The following CDH18 variants were observed in gnomAD, a reference collection of about 807,000 sequenced individuals.
CDH18 encodes the protein cadherin-18.
CDH18 carries 31 observed loss-of-function variants against 67.9 expected under a neutral mutation model. The observed-to-expected ratio is 0.46, with a 90% CI of 0.34 to 0.62. The LOEUF (loss-of-function observed/expected upper bound fraction) is 0.62, where lower values mean the gene tolerates loss of function less well. Ranked by LOEUF, CDH18 falls within the 20% of genes least tolerant of loss-of-function variation. The probability of loss-of-function intolerance (pLI) is 0.01; values close to 1 mark genes in which losing one functional copy is unlikely to be tolerated. For missense variants in CDH18, 890 were observed against 975.5 expected (o/e 0.91, Z 1.17); for synonymous variants, 362 against 347.2 (o/e 1.04, Z -0.48).
chr5:19,525,922 T>C (rs1173913987), intron 9 of CDH18, among the ~76,000 whole-genome samples: 3 of 152,182 alleles, frequency 2.0e-5, no homozygotes, highest in African/African-American at 7.2e-5. Flanking sequence ...TTATTGTTAT[T>C]ATAATTTTTA....
chr5:19,551,054 C>G (rs909250154), intron 8 of CDH18, among the ~76,000 whole-genome samples: 2 of 152,122 alleles, frequency 1.3e-5, no homozygotes, highest in African/African-American at 4.8e-5. Context: ...AGTACAGATA[C>G]TTTGTAGAGA....
intron 3 of CDH18, among the ~76,000 whole-genome samples, chr5:19,827,817 G>A (rs1018671647): frequency 2.0e-5 from 3 of 151,850 alleles, no homozygotes; most frequent in East Asian, 3.9e-4. Context: ...CTCTGACACC[G>A]AAATAAGAGC....
chr5:20,309,531 T>A (rs1263653366), intron 1 of CDH18, among the ~76,000 whole-genome samples: 1 of 152,216 alleles, frequency 6.6e-6, no homozygotes, highest in Non-Finnish European at 1.5e-5. Context: ...ATTGTAAGAA[T>A]GATCCTTGGA....
chr5:20,345,456 T>C (rs1301857990), intron 1 of CDH18, among the ~76,000 whole-genome samples: 8 of 152,180 alleles, frequency 5.3e-5, no homozygotes, highest in South Asian at 2.1e-4. Flanking sequence ...GCTTTCAAAG[T>C]GATTAGCCTA....
intron 1 of CDH18, among the ~76,000 whole-genome samples, chr5:20,539,996 C>T (rs1016327879): frequency 6.6e-6 from 1 of 152,064 alleles, no homozygotes; most frequent in Admixed American, 6.6e-5. Flanking sequence ...TTTATTAAAC[C>T]TAATAAACTG....
At chr5:20,265,725 A>C (rs1365926577) in intron 1 of CDH18, among the ~76,000 whole-genome samples, 2 of 152,198 alleles carry the variant, frequency 1.3e-5, no homozygotes, top group Non-Finnish European at 2.9e-5. Flanking sequence ...TAGAGCAATG[A>C]GCACTCTTTC....
intron 2 of CDH18, among the ~76,000 whole-genome samples, chr5:19,859,862 C>T (rs1784690511): frequency 6.6e-6 from 1 of 152,160 alleles, no homozygotes; most frequent in Admixed American, 6.6e-5. Flanking sequence ...GGCCATTGGT[C>T]ATTCACATTT....
At chr5:19,994,855 T>TATAGAGAGAGAGAGAAAGAGAGAGAGAG (rs760777430) in intron 2 of CDH18, among the ~76,000 whole-genome samples, 3 of 67,586 alleles carry the variant, frequency 4.4e-5, no homozygotes, top group African/African-American at 2.2e-4. Context: ...TATATATATA[T>TATAGAGAGAGAGAGAAAGAGAGAGAGAG]AGAGAGAGAG....
chr5:20,130,414 T>C (rs1749177909), intron 2 of CDH18, among the ~76,000 whole-genome samples: 1 of 151,546 alleles, frequency 6.6e-6, no homozygotes, highest in Non-Finnish European at 1.5e-5. Flanking sequence ...TTTTTTTTTT[T>C]TTTCACTTAC....
intron 1 of CDH18, among the ~76,000 whole-genome samples, chr5:20,407,514 G>T (rs1204480098): frequency 8.0e-6 from 1 of 125,284 alleles, no homozygotes; most frequent in Non-Finnish European, 1.7e-5. Context: ...AAAAAAACTC[G>T]TAGAAGTTCT....
intron 1 of CDH18, among the ~76,000 whole-genome samples, chr5:20,269,051 C>T (rs1346323299): frequency 2.0e-5 from 3 of 152,034 alleles, no homozygotes; most frequent in Non-Finnish European, 2.9e-5. Context: ...ACCAAATAAT[C>T]CCATTAAAAA....
chr5:19,683,394 C>A (rs1760615089), intron 5 of CDH18, among the ~76,000 whole-genome samples: 1 of 151,892 alleles, frequency 6.6e-6, no homozygotes, highest in African/African-American at 2.4e-5. Context: ...TCATAGATAC[C>A]CATGCTGGTT....
intron 1 of CDH18, among the ~76,000 whole-genome samples, chr5:20,458,136 G>T (rs1256045530): frequency 6.6e-6 from 1 of 152,036 alleles, no homozygotes; most frequent in Non-Finnish European, 1.5e-5. Flanking sequence ...GTTTGTTTTT[G>T]AGACAGAGTA....
chr5:19,759,456 G>T (rs1052777940), intron 3 of CDH18, among the ~76,000 whole-genome samples: 1 of 152,166 alleles, frequency 6.6e-6, no homozygotes, highest in Non-Finnish European at 1.5e-5. Context: ...GTAATGTGGG[G>T]GTTCTGCCAG....
chr5:20,571,423 A>C (rs1271928987), intron 1 of CDH18, among the ~76,000 whole-genome samples: 1 of 152,120 alleles, frequency 6.6e-6, no homozygotes, highest in African/African-American at 2.4e-5. Context: ...TCACATCAAT[A>C]TATAGCATCG....
intron 1 of CDH18, among the ~76,000 whole-genome samples, chr5:20,519,175 A>G (rs13190303): frequency 0.42 from 63,700 of 152,030 alleles, 14,551 homozygotes; most frequent in East Asian, 0.56. Flanking sequence ...TCTGAAGAAA[A>G]AAATGACAAA....
At chr5:20,396,905 C>A (rs891367450) in intron 1 of CDH18, among the ~76,000 whole-genome samples, 25 of 152,086 alleles carry the variant, frequency 1.6e-4, no homozygotes, top group Non-Finnish European at 4.4e-5. Flanking sequence ...TATTAAAATG[C>A]TGCATGTACT....
intron 2 of CDH18, among the ~76,000 whole-genome samples, chr5:19,942,620 T>A (rs1794932061): frequency 6.6e-6 from 1 of 152,156 alleles, no homozygotes; most frequent in African/African-American, 2.4e-5. Context: ...ACAGGTTGAG[T>A]CCTTCCAAAT....
chr5:19,524,652 A>T (rs1029960611), intron 9 of CDH18, among the ~76,000 whole-genome samples: 1 of 152,172 alleles, frequency 6.6e-6, no homozygotes, highest in Non-Finnish European at 1.5e-5. Flanking sequence ...TTAAGCAGAC[A>T]AAAGCAATCT....
Sources: gnomAD v4.1 joint callset for allele counts (sites outside exome capture counted in the v4.1 genomes callset) on GRCh38, gnomAD v4.1.1 for gene constraint, MANE v1.5 for transcripts, NCBI Gene and HGNC (gene_info 2026-07-23, HGNC 2026-07-21) for gene names.